Variants in RAB3IL1 observed in about 807,000 individuals in gnomAD.
RAB3IL1 encodes RAB3A interacting protein like 1, also known as guanine nucleotide exchange factor for Rab-3A.
Under a neutral mutation model 49.2 loss-of-function variants are expected in RAB3IL1, and 37 were observed. The observed-to-expected ratio is 0.75, with a 90% CI of 0.58 to 0.99. The LOEUF (loss-of-function observed/expected upper bound fraction) is 0.99, where lower values mean the gene tolerates loss of function less well. Ranked by LOEUF, RAB3IL1 falls within the 50% of genes least tolerant of loss-of-function variation. RAB3IL1 has a pLI of 0.00. For synonymous variants in RAB3IL1, 193 were observed against 213.9 expected, an observed-to-expected ratio of 0.90 and a Z score of 0.85; for missense variants, 484 against 513.0, an observed-to-expected ratio of 0.94 and a Z score of 0.55.
intron 2 of RAB3IL1, 29 bp downstream of exon 2, chr11:61,908,025 A>G (rs1269021120): frequency 1.3e-6 from 2 of 1,579,940 alleles, no homozygotes; most frequent in Non-Finnish European, 1.7e-6. Context: ...TCCCCACCGA[A>G]GACCCCCCAG....
upstream of RAB3IL1, among the ~76,000 whole-genome samples, chr11:61,923,558 TG>T (rs1939949645): frequency 6.6e-6 from 1 of 152,186 alleles, no homozygotes; most frequent in Non-Finnish European, 1.5e-5. Context: ...CCTGCAGGGC[TG>T]GGCGCTCAGC....
At position 61,917,390 on chromosome 11, in the gene RAB3IL1, G is replaced by A; in HGVS notation, c.-23C>T. ...CATCCCGGCGCCTCGGGGCGCCCAG[G>A]CGTCCGTTCCCAGCGCCGCCGCGTC... is the stretch of plus-strand genomic sequence containing the variant. On this transcript the variant is annotated 5_prime_UTR_variant, in exon 1 of 10. Transcript: ENST00000394836. 8.1e-7 allele frequency: 1 copy of A among 1,237,364 alleles called. No individual in the cohort carries two copies. Among genetic ancestry groups the A allele is most frequent in the Non-Finnish European group, 1.0e-6 (1 of 992,266 alleles). The allele number at this position is 1,237,364 out of a possible 1,614,324, so 76.6% of individuals were successfully genotyped here.
chr11:61,920,154 T>TCGGGC (rs1284096962), upstream of RAB3IL1: 1 of 1,329,042 alleles, frequency 7.5e-7, no homozygotes, highest in Non-Finnish European at 9.7e-7. Flanking sequence ...GACATGTCCC[T>TCGGGC]CGGGCGGGGC....
Position 61,898,457 on chromosome 11 carries a change from G to T in RAB3IL1, c.1067-97C>A. ...CCTGTGGCTTTGGACAGAGCAGCTG[G>T]CACAGCACCCTAGGGTCCCCGGCCC... On this transcript the variant is annotated intron_variant, in intron 9 of 9. Transcript: ENST00000394836. This position sits in a 1 kb window ranked among gnomAD's most constrained non-coding sequence, Gnocchi z 5.1. 1 of 1,024,254 alleles carries T rather than the reference G, an allele frequency of 9.8e-7. No homozygotes were observed. The allele number at this position is 1,024,254 out of a possible 1,614,324, so 63.4% of individuals were successfully genotyped here.
upstream of RAB3IL1, among the ~76,000 whole-genome samples, chr11:61,918,067 C>T (rs1939787046): frequency 6.6e-6 from 1 of 152,184 alleles, no homozygotes; most frequent in Non-Finnish European, 1.5e-5. Context: ...CCTCACTCAG[C>T]CTCCTGCCAC....
the RAB3IL1 span, among the ~76,000 whole-genome samples, chr11:61,934,319 T>TATACACAC: frequency 0.021 from 2,718 of 126,530 alleles, 38 homozygotes; most frequent in African/African-American, 0.035. Flanking sequence ...TGAGTAAATA[T>TATACACAC]ACACACACAC....
Position 61,906,053 on chromosome 11 carries a change from C to T in RAB3IL1, c.657+413G>A, listed in dbSNP as rs1939165258. ...GAGCACAGGGCTGTCACCAGGTGGT[C>T]CTGGGGCTCGAGGCTGTGGCCACAC... On this transcript the variant is annotated intron_variant, in intron 5 of 9. Transcript: ENST00000394836. The surrounding 1 kb of genome is among the most constrained non-coding windows in gnomAD (Gnocchi z 4.6). 6.6e-6 allele frequency among the ~76,000 whole-genome samples: 1 copy of T among 152,152 alleles called. No individual in the cohort carries two copies. Among genetic ancestry groups the T allele is most frequent in the Non-Finnish European group, 1.5e-5 (1 of 68,010 alleles).
intron 8 of RAB3IL1, among the ~76,000 whole-genome samples, chr11:61,900,447 C>T (rs1305054399): frequency 6.6e-6 from 1 of 152,186 alleles, no homozygotes; most frequent in East Asian, 1.9e-4. Flanking sequence ...AGGGGCGGGA[C>T]GGTGGTGGCC....
chr11:61,942,071 C>T, the RAB3IL1 span, among the ~76,000 whole-genome samples: 25 of 151,998 alleles, frequency 1.6e-4, no homozygotes, highest in African/African-American at 2.4e-5. Context: ...ATTAGCCAGA[C>T]ATGGTGGCGT....
At chr11:61,921,559 C>T (rs1806689333), upstream of RAB3IL1, among the ~76,000 whole-genome samples, 1 of 152,164 alleles carries the variant, frequency 6.6e-6, no homozygotes, top group South Asian at 2.1e-4. Context: ...CCTCTGCAGG[C>T]ACCAGAGCCC....
the RAB3IL1 span, among the ~76,000 whole-genome samples, chr11:61,934,446 G>GTGTATGTGTATGTATGTATA: frequency 6.1e-4 from 15 of 24,402 alleles, no homozygotes; most frequent in South Asian, 2.3e-3. Context: ...GTGTGTGTGT[G>GTGTATGTGTATGTATGTATA]TATGTATATA....
At position 61,898,897 on chromosome 11, in the gene RAB3IL1, G is replaced by C. The variant is rs973585946; in HGVS notation, c.1066+417C>G. 6.3e-6 allele frequency: 3 copies of C among 474,666 alleles called. No individual in the cohort carries two copies. The highest frequency in any genetic ancestry group is 5.9e-5 in the African/African-American group (3 of 50,878). 29.4% of individuals were successfully genotyped at this position (474,666 alleles called of 1,614,324 possible). ...AAGACTCAGCAGCGAGCAAAGGTTGGTGGAGGAGCGGGGAGCCAGGCCTTG... is the reference window on the plus strand; with the variant it reads ...AAGACTCAGCAGCGAGCAAAGGTTGCTGGAGGAGCGGGGAGCCAGGCCTTG... On this transcript the variant is annotated intron_variant, in intron 9 of 9. Transcript: ENST00000394836. The surrounding 1 kb of genome is among the most constrained non-coding windows in gnomAD (Gnocchi z 5.1).
intron 1 of RAB3IL1, among the ~76,000 whole-genome samples, chr11:61,910,934 C>T (rs950693623): frequency 1.3e-5 from 2 of 152,224 alleles, no homozygotes; most frequent in African/African-American, 4.8e-5. Flanking sequence ...ATGCCCTGAC[C>T]GAGGAGAACC....
rs1457297996 is a variant in RAB3IL1 at position 61,907,490 on chromosome 11, T to C, written c.361-20A>G. On this transcript the variant is annotated intron_variant, in intron 3 of 9. Coordinates refer to ENST00000394836, the MANE Select transcript of RAB3IL1 (RefSeq NM_013401.4). ...AGCTTCCTAGGAAGAAGGCAGTCCCTGCGTGAGTGGTGAGGAGCCAACGGA... is the reference window on the plus strand; with the variant it reads ...AGCTTCCTAGGAAGAAGGCAGTCCCCGCGTGAGTGGTGAGGAGCCAACGGA... 1.2e-6 allele frequency: 2 copies of C among 1,614,012 alleles called. No homozygotes were observed. Among genetic ancestry groups the C allele is most frequent in the Non-Finnish European group, 8.5e-7 (1 of 1,179,996 alleles).
chr11:61,935,181 C>T, the RAB3IL1 span, among the ~76,000 whole-genome samples: 2 of 152,108 alleles, frequency 1.3e-5, no homozygotes, highest in Non-Finnish European at 2.9e-5. Flanking sequence ...GTAATCCCAG[C>T]ATTTTGGGAG....
intron 7 of RAB3IL1, 111 bp downstream of exon 7, chr11:61,904,435 G>T: frequency 9.2e-7 from 1 of 1,082,800 alleles, no homozygotes; most frequent in Non-Finnish European, 1.4e-6. Context: ...GGCAGCAACT[G>T]TCCCTGTCCT....
chr11:61,922,700 C>A (rs549159409), upstream of RAB3IL1, among the ~76,000 whole-genome samples: 3 of 152,160 alleles, frequency 2.0e-5, no homozygotes, highest in African/African-American at 7.2e-5. Flanking sequence ...CCTCACACCC[C>A]ACCCTGCCCC....
At chr11:61,917,233 G>A in intron 1 of RAB3IL1, 124 bp downstream of exon 1, 1 of 1,276,974 alleles carries the variant, frequency 7.8e-7, no homozygotes, top group South Asian at 2.2e-5. Context: ...CTGCAGGCAG[G>A]GCGGGGGCGC....
chr11:61,932,823 G>A, the RAB3IL1 span, among the ~76,000 whole-genome samples: 1 of 147,696 alleles, frequency 6.8e-6, no homozygotes, highest in Non-Finnish European at 1.5e-5. Context: ...CCAGGCTGGA[G>A]TGCAGTGGCA....
Sources: gnomAD v4.1 joint callset for allele counts (sites outside exome capture counted in the v4.1 genomes callset) on GRCh38, gnomAD v4.1.1 for gene constraint, Gnocchi (gnomAD v3.1) non-coding constraint, MANE v1.5 for transcripts, NCBI Gene and HGNC (gene_info 2026-07-23, HGNC 2026-07-21) for gene names.